Variants in ECT2 observed in about 807,000 individuals in gnomAD.
The protein encoded by ECT2 is protein ECT2.
A neutral mutation model predicts 116.9 loss-of-function variants in ECT2; 61 were observed. The observed-to-expected ratio is 0.52, with a 90% CI of 0.42 to 0.65. The LOEUF is 0.65. ECT2 is among the 30% of genes least tolerant of loss of function. The pLI, the probability that ECT2 is intolerant of heterozygous loss-of-function variation, is 0.00. For synonymous variants in ECT2, 358 were observed against 346.4 expected (o/e 1.03, Z -0.37); for missense variants, 937 against 1,078.7 (o/e 0.87, Z 1.84).
chr3:172,809,683 A>G (rs1728422219), intron 22 of ECT2, among the ~76,000 whole-genome samples: 1 of 152,118 alleles, frequency 6.6e-6, no homozygotes, highest in Non-Finnish European at 1.5e-5. Context: ...TACCCTGTAT[A>G]TATATAATTT....
At chr3:172,770,122 T>A (rs550867896) in intron 13 of ECT2, among the ~76,000 whole-genome samples, 6 of 152,308 alleles carry the variant, frequency 3.9e-5, no homozygotes, top group South Asian at 2.1e-4. Context: ...TTTTATGAGG[T>A]TCTTTGCTGT....
intron 12 of ECT2, 133 bp downstream of exon 12, chr3:172,764,633 A>G (rs1370367364): frequency 1.3e-5 from 10 of 772,414 alleles, no homozygotes; most frequent in Non-Finnish European, 2.1e-5. Context: ...CTGTAGAGAA[A>G]AGACACATGA....
At chr3:172,807,332 G>A (rs1350459444) in intron 21 of ECT2, among the ~76,000 whole-genome samples, 1 of 152,124 alleles carries the variant, frequency 6.6e-6, no homozygotes, top group African/African-American at 2.4e-5. Context: ...TCGGTCAGCA[G>A]TTGATTGAAT....
At chr3:172,820,096 A>T in intron 24 of ECT2, 52 bp from the exon 25 acceptor site, 1 of 1,446,464 alleles carries the variant, frequency 6.9e-7, no homozygotes, top group Non-Finnish European at 9.6e-7. Flanking sequence ...TGTATTTTAC[A>T]ATTTTTTTAA....
chr3:172,828,905 A>G, the ECT2 span: 1 of 1,441,272 alleles, frequency 6.9e-7, no homozygotes, highest in African/African-American at 1.4e-5. Context: ...CAAGCTGCCA[A>G]ACACAATTCC....
chr3:172,766,937 A>G (rs1719513409), intron 12 of ECT2, among the ~76,000 whole-genome samples: 1 of 152,230 alleles, frequency 6.6e-6, no homozygotes, highest in Non-Finnish European at 1.5e-5. Context: ...AACAGATGTG[A>G]CAACTATACT....
intron 12 of ECT2, among the ~76,000 whole-genome samples, chr3:172,766,768 T>G (rs1216406839): frequency 6.6e-6 from 1 of 152,184 alleles, no homozygotes; most frequent in Non-Finnish European, 1.5e-5. Flanking sequence ...TTTGGAAAAG[T>G]TGAACCAGCT....
chr3:172,805,995 A>G (rs1727616762), intron 21 of ECT2, 126 bp downstream of exon 21: 4 of 1,005,862 alleles, frequency 4.0e-6, no homozygotes, highest in Non-Finnish European at 5.7e-6. Context: ...CAGACTGCTA[A>G]AGTAATTGTT....
At chr3:172,798,516 G>A (rs184746660) in intron 18 of ECT2, among the ~76,000 whole-genome samples, 23 of 152,102 alleles carry the variant, frequency 1.5e-4, no homozygotes, top group African/African-American at 5.5e-4. Context: ...ACTACTAATC[G>A]AGATCAAGCA....
At position 172,814,966 on chromosome 3, in the gene ECT2, G is replaced by A. The variant is rs905534328; in HGVS notation, c.2401-638G>A. Among the ~76,000 whole-genome samples the A allele has an allele frequency of 6.6e-5, 10 of 152,078 alleles. 1 individual carries two copies. Among genetic ancestry groups the A allele is most frequent in the Admixed American group, 6.6e-4 (10 of 15,248 alleles). On this transcript the variant is annotated intron_variant, in intron 22 of 24. Transcript: ENST00000392692. Reference sequence around the variant, plus strand: ...CTCACTCCAGCTCCCACCCTATCCTGTCCTCCCCAGCATGTCAGCAGTGGC... The same window carrying A: ...CTCACTCCAGCTCCCACCCTATCCTATCCTCCCCAGCATGTCAGCAGTGGC...
chr3:172,786,330 T>A (rs1355838283), intron 17 of ECT2, among the ~76,000 whole-genome samples, 163 bp from the exon 18 acceptor site: 1 of 152,200 alleles, frequency 6.6e-6, no homozygotes, highest in African/African-American at 2.4e-5. Flanking sequence ...TTAACAGATG[T>A]GTAATAAGAG....
chr3:172,762,627 TA>T, intron 9 of ECT2, 63 bp from the exon 10 acceptor site: 1 of 1,579,312 alleles, frequency 6.3e-7, no homozygotes, highest in Non-Finnish European at 8.6e-7. Flanking sequence ...ATATACCTCT[TA>T]AAAAATTTGA....
At chr3:172,784,890 A>T in intron 17 of ECT2, 87 bp downstream of exon 17, 1 of 851,674 alleles carries the variant, frequency 1.2e-6, no homozygotes, top group Non-Finnish European at 1.8e-6. Context: ...TCATTTTTAG[A>T]GTTTCTTAGA....
At chr3:172,826,775 C>T in the ECT2 span, among the ~76,000 whole-genome samples, 12 of 152,134 alleles carry the variant, frequency 7.9e-5, no homozygotes. Flanking sequence ...AGGTAAGACC[C>T]TCCACCAAAA....
At chr3:172,794,802 C>T (rs1725313174) in intron 18 of ECT2, among the ~76,000 whole-genome samples, 2 of 152,150 alleles carry the variant, frequency 1.3e-5, no homozygotes, top group African/African-American at 4.8e-5. Flanking sequence ...GCAATCTCCG[C>T]CTCCCGGGTT....
At chr3:172,817,925 G>A (rs1396275626) in intron 24 of ECT2, among the ~76,000 whole-genome samples, 1 of 152,088 alleles carries the variant, frequency 6.6e-6, no homozygotes, top group Non-Finnish European at 1.5e-5. Context: ...TTTACTAGCT[G>A]TATGTGTTTT....
intron 22 of ECT2, among the ~76,000 whole-genome samples, chr3:172,812,356 T>TA (rs1399653356): frequency 6.6e-6 from 1 of 152,174 alleles, no homozygotes; most frequent in African/African-American, 2.4e-5. Flanking sequence ...AAATGGATAT[T>TA]TTACCTGTTT....
At chr3:172,818,550 T>G (rs1308818091) in intron 24 of ECT2, 1 of 1,272,280 alleles carries the variant, frequency 7.9e-7, no homozygotes, top group African/African-American at 1.5e-5. Context: ...TCTAACAGAT[T>G]ACCCATTCTG....
chr3:172,807,322 TC>T (rs1727949950), intron 21 of ECT2, among the ~76,000 whole-genome samples: 1 of 152,180 alleles, frequency 6.6e-6, no homozygotes, highest in Non-Finnish European at 1.5e-5. Context: ...TCTACTATTT[TC>T]GGTCAGCAGT....
Sources: gnomAD v4.1 joint callset for allele counts (sites outside exome capture counted in the v4.1 genomes callset) on GRCh38, gnomAD v4.1.1 for gene constraint, MANE v1.5 for transcripts, NCBI Gene and HGNC (gene_info 2026-07-23, HGNC 2026-07-21) for gene names.